The following TRIM50 variants were observed in gnomAD, a reference collection of about 807,000 sequenced individuals.
The protein encoded by TRIM50 is E3 ubiquitin-protein ligase TRIM50.
In TRIM50, 34 loss-of-function variants were observed where a neutral mutation model predicts 44.9. The observed-to-expected ratio is 0.76, with a 90% CI of 0.58 to 1.01. The LOEUF is 1.01. Among genes scored for constraint, TRIM50 ranks in the 50% least tolerant of loss-of-function variants. The pLI is 0.00. For synonymous variants in TRIM50, 307 were observed against 291.1 expected (o/e 1.05, Z -0.56); for missense variants, 633 against 663.7 (o/e 0.95, Z 0.51).
chr7:73,324,648 AG>A lies in TRIM50; in HGVS notation c.139del (p.Leu47TrpfsTer28). 6.2e-7 allele frequency: 1 copy of A among 1,614,248 alleles called. No individual in the cohort carries two copies. On this transcript the variant is annotated frameshift_variant, in exon 2 of 7. Coordinates refer to ENST00000333149, the MANE Select transcript of TRIM50 (RefSeq NM_178125.3). LOFTEE classifies it high-confidence loss of function. The stretch of plus-strand genomic sequence containing the variant: ...CACGGGGCAGCGCAGCTCGGCATCC[AG>A]GTGGCAGGACAGGGAAACCAGGCAG... Reference protein sequence around the residue: ...KGCLVSLSCHLDAELRCPVCR... With the variant: ...KGCLVSLSCHXDAELRCPVCR...
chr7:73,312,773 C>A lies in TRIM50; in HGVS notation c.*148G>T. ...AGGGGAAAGGGACTGGGGTCCTGTTCCCTATCATTACATGTTCCAGGGACA... is the reference window on the plus strand; with the variant it reads ...AGGGGAAAGGGACTGGGGTCCTGTTACCTATCATTACATGTTCCAGGGACA... On this transcript the variant is annotated 3_prime_UTR_variant, in exon 7 of 7. Coordinates refer to ENST00000333149, the MANE Select transcript of TRIM50 (RefSeq NM_178125.3). The A allele has an allele frequency of 1.5e-6, 1 of 657,516 alleles. No homozygotes were observed. Among genetic ancestry groups the A allele is most frequent in the Non-Finnish European group, 2.5e-6 (1 of 393,902 alleles). 40.7% of individuals were successfully genotyped at this position (657,516 alleles called of 1,614,324 possible).
At chr7:73,323,446 C>T (rs1804540542) in intron 2 of TRIM50, among the ~76,000 whole-genome samples, 1 of 152,186 alleles carries the variant, frequency 6.6e-6, no homozygotes, top group South Asian at 2.1e-4. Flanking sequence ...AACTCCTGGA[C>T]TCAAGTGATC....
rs781883924 is a variant in TRIM50, at chr7:73,324,583, C to A, written c.205G>T (p.Val69Phe). ...GCTTCGATCACCCTGGCCAGGGAGA[C>A]GTTGGGCAGGGAGCTGCTGCCGTCC... is the stretch of plus-strand genomic sequence containing the variant. ...AVDGSSSLPN[V>F]SLARVIEALR... Residue 69 changes from valine to phenylalanine, a missense_variant, in exon 2 of 7, where the codon GTC becomes TTC. Val to Phe is a conservative substitution (Grantham distance 50). Coordinates refer to ENST00000333149, the MANE Select transcript of TRIM50 (RefSeq NM_178125.3). The A allele has an allele frequency of 5.6e-6, 9 of 1,614,004 alleles. No individual in the cohort carries two copies. In the African/African-American group the frequency reaches 9.3e-5, roughly 17 times the overall value.
chr7:73,319,695 C>T (rs569027864), intron 3 of TRIM50, among the ~76,000 whole-genome samples: 7 of 152,348 alleles, frequency 4.6e-5, no homozygotes, highest in South Asian at 2.1e-4. Flanking sequence ...TCACAGCCAC[C>T]TCCAGGGCCG....
chr7:73,320,765 C>A (rs551327074), intron 2 of TRIM50, among the ~76,000 whole-genome samples: 1 of 151,250 alleles, frequency 6.6e-6, no homozygotes, highest in East Asian at 2.0e-4. Flanking sequence ...CAGTGGCTCA[C>A]GCCTGTACTC....
Position 73,313,348 on chromosome 7 carries a change from CAGG to C in TRIM50, c.1034_1036del (p.Ser345del), listed in dbSNP as rs782595147. Reference sequence around the variant, plus strand: ...CACCACCTCCCAGTAGTGGCGGCCGCAGGAGAAGCCGCGGCTGGCCAGGACGCA... The same window carrying C: ...CACCACCTCCCAGTAGTGGCGGCCGCAGAAGCCGCGGCTGGCCAGGACGCA... On this transcript the variant is annotated inframe_deletion, in exon 7 of 7. Transcript: ENST00000333149. This position sits in a 1 kb window ranked among gnomAD's most constrained non-coding sequence, Gnocchi z 4.9. The C allele has an allele frequency of 3.1e-6, 5 of 1,602,396 alleles. No homozygotes were observed. The highest frequency in any genetic ancestry group is 2.2e-5 in the South Asian group (2 of 89,278).
chr7:73,315,691 G>A (rs1804340886), intron 6 of TRIM50, among the ~76,000 whole-genome samples: 1 of 152,072 alleles, frequency 6.6e-6, no homozygotes. Flanking sequence ...GCTTTTGGTG[G>A]ATGAAATCGC....
At chr7:73,320,887 G>T (rs1804479330) in intron 2 of TRIM50, among the ~76,000 whole-genome samples, 1 of 151,860 alleles carries the variant, frequency 6.6e-6, no homozygotes, top group African/African-American at 2.4e-5. Context: ...AGCCAGGCGT[G>T]GTGGTGCATG....
At chr7:73,322,495 C>T (rs1286880659) in intron 2 of TRIM50, among the ~76,000 whole-genome samples, 21 of 152,208 alleles carry the variant, frequency 1.4e-4, no homozygotes, top group African/African-American at 5.1e-4. Context: ...TCGGCTTCCT[C>T]ACCTGCAGTC....
intron 2 of TRIM50, among the ~76,000 whole-genome samples, 156 bp from the exon 3 acceptor site, chr7:73,320,398 G>T (rs1554544878): frequency 6.6e-6 from 1 of 152,184 alleles, no homozygotes; most frequent in East Asian, 1.9e-4. Context: ...TCCAAAACAG[G>T]TTAAATTGTT....
At chr7:73,318,094 G>T (rs543047915) in intron 5 of TRIM50, among the ~76,000 whole-genome samples, 1 of 152,186 alleles carries the variant, frequency 6.6e-6, no homozygotes, top group African/African-American at 2.4e-5. Context: ...GTGCCCCTCT[G>T]CCAGGTCCCC....
At chr7:73,326,539 C>T (rs188263896) in intron 1 of TRIM50, among the ~76,000 whole-genome samples, 351 of 152,154 alleles carry the variant, frequency 2.3e-3, no homozygotes, top group African/African-American at 7.8e-3. Context: ...CACCCACTCT[C>T]AAGAACAAGA....
chr7:73,322,825 G>A (rs375614223), intron 2 of TRIM50, among the ~76,000 whole-genome samples: 3 of 152,298 alleles, frequency 2.0e-5, no homozygotes, highest in African/African-American at 4.8e-5. Context: ...GTGACCACCA[G>A]GAGGAAGGAC....
intron 1 of TRIM50, 37 bp downstream of exon 1, chr7:73,327,863 G>A: frequency 2.9e-6 from 1 of 346,988 alleles, no homozygotes; most frequent in Non-Finnish European, 5.4e-6. Context: ...GTGCTCGTTA[G>A]GTGCCCCATC....
chr7:73,324,302 C>T, intron 2 of TRIM50, 87 bp downstream of exon 2: 1 of 1,600,336 alleles, frequency 6.2e-7, no homozygotes, highest in Non-Finnish European at 8.5e-7. Flanking sequence ...ATAGCTGGAT[C>T]CTTTTGGTGC....
At chr7:73,314,442 G>T in intron 6 of TRIM50, 1 of 432,046 alleles carries the variant, frequency 2.3e-6, no homozygotes, top group South Asian at 1.9e-5. Context: ...AAGAAGCAGA[G>T]ACTGTTGGCC....
At chr7:73,320,558 C>T (rs112910219) in intron 2 of TRIM50, among the ~76,000 whole-genome samples, 3 of 152,070 alleles carry the variant, frequency 2.0e-5, no homozygotes, top group South Asian at 4.2e-4. Context: ...ATTAGCCAGG[C>T]GTGGTGGCAT....
At chr7:73,320,845 A>G (rs1195889619) in intron 2 of TRIM50, among the ~76,000 whole-genome samples, 4 of 147,724 alleles carry the variant, frequency 2.7e-5, no homozygotes, top group Non-Finnish European at 6.0e-5. Context: ...CTCAACATGG[A>G]GAAACCCTGT....
At chr7:73,326,330 C>T (rs548036542) in intron 1 of TRIM50, among the ~76,000 whole-genome samples, 9 of 149,940 alleles carry the variant, frequency 6.0e-5, no homozygotes, top group African/African-American at 9.8e-5. Flanking sequence ...TTTGAACTCC[C>T]GGCCTCAAGC....
Sources: allele counts gnomAD v4.1 joint callset (sites outside exome capture counted in the v4.1 genomes callset), GRCh38; gene constraint gnomAD v4.1.1; non-coding constraint Gnocchi (gnomAD v3.1); transcripts MANE v1.5; gene names NCBI Gene and HGNC (gene_info 2026-07-23, HGNC 2026-07-21).